ACOXL: variants seen among roughly 807,000 people sequenced by gnomAD.
ACOXL encodes acyl-coenzyme A oxidase-like protein.
In ACOXL, 70 loss-of-function variants were observed where a neutral mutation model predicts 71.9. The ratio of observed to expected loss-of-function variants is 0.97; its 90% CI spans 0.80 to 1.19. The LOEUF (loss-of-function observed/expected upper bound fraction) is 1.19, where lower values mean the gene tolerates loss of function less well. ACOXL is among the 50% of genes most tolerant of loss of function. ACOXL has a pLI of 0.00. For synonymous variants in ACOXL, 253 were observed against 281.6 expected (o/e 0.90, Z 1.02); for missense variants, 703 against 736.3 (o/e 0.95, Z 0.52).
At chr2:111,028,128 G>C (rs1475877781) in intron 14 of ACOXL, among the ~76,000 whole-genome samples, 2 of 152,002 alleles carry the variant, frequency 1.3e-5, no homozygotes, top group Non-Finnish European at 2.9e-5. Flanking sequence ...GGTCAAGGCT[G>C]CAGTGAGCCA....
In ACOXL at chr2:110,891,802, G is replaced by A. The variant is rs188629905; in HGVS notation, c.789-16987G>A. On this transcript the variant is annotated intron_variant, in intron 10 of 17. Transcript: ENST00000439055. ...TTGTTTTTGAGCAAAGTTCAGAAGT[G>A]AGCTGCTATGTCAGGTCCAGTCCAT... Among the ~76,000 whole-genome samples the A allele has an allele frequency of 1.2e-3, 190 of 152,122 alleles. 1 individual carries two copies. Among genetic ancestry groups the A allele is most frequent in the African/African-American group, 4.3e-3 (177 of 41,518 alleles).
chr2:110,866,036 T>C (rs1266542072), intron 10 of ACOXL, among the ~76,000 whole-genome samples: 2 of 152,224 alleles, frequency 1.3e-5, no homozygotes, highest in East Asian at 3.8e-4. Context: ...AAATACTATT[T>C]TAAGACAGAA....
At chr2:110,927,605 G>GC (rs1254391557) in intron 11 of ACOXL, among the ~76,000 whole-genome samples, 1 of 152,180 alleles carries the variant, frequency 6.6e-6, no homozygotes, top group South Asian at 2.1e-4. Flanking sequence ...GGAATAAGGA[G>GC]CCCCCATATA....
chr2:110,895,738 A>G (rs547065113), intron 10 of ACOXL, among the ~76,000 whole-genome samples: 30 of 152,260 alleles, frequency 2.0e-4, no homozygotes, highest in South Asian at 1.7e-3. Flanking sequence ...AGGCCAGAAA[A>G]AAAGTGGCAT....
intron 10 of ACOXL, among the ~76,000 whole-genome samples, chr2:110,872,882 C>A (rs1573931832): frequency 6.6e-6 from 1 of 151,984 alleles, no homozygotes; most frequent in South Asian, 2.1e-4. Context: ...TGGCTTGACT[C>A]CAGTGAAATG....
intron 13 of ACOXL, among the ~76,000 whole-genome samples, chr2:110,992,086 G>A (rs1019628728): frequency 7.9e-5 from 12 of 152,152 alleles, no homozygotes; most frequent in African/African-American, 2.9e-4. Flanking sequence ...AGCACGACAC[G>A]CTCTCACCCA....
intron 11 of ACOXL, among the ~76,000 whole-genome samples, chr2:110,924,765 G>A (rs1043654653): frequency 4.1e-5 from 5 of 120,962 alleles, no homozygotes; most frequent in African/African-American, 1.4e-4. Flanking sequence ...TGCTAATGTT[G>A]GTATTTTGAC....
intron 10 of ACOXL, among the ~76,000 whole-genome samples, chr2:110,876,245 C>A (rs898319504): frequency 7.2e-5 from 11 of 152,060 alleles, no homozygotes; most frequent in Admixed American, 7.2e-4. Context: ...CAGGTTTTTT[C>A]TTGAGGAGGG....
intron 11 of ACOXL, among the ~76,000 whole-genome samples, 190 bp downstream of exon 11, chr2:110,909,095 C>T (rs2059561224): frequency 6.6e-6 from 1 of 152,190 alleles, no homozygotes; most frequent in Non-Finnish European, 1.5e-5. Context: ...TTAACCTGGA[C>T]ATCTGATTTT....
chr2:111,107,734 C>T (rs1192813326), intron 17 of ACOXL, among the ~76,000 whole-genome samples: 1 of 152,210 alleles, frequency 6.6e-6, no homozygotes. Flanking sequence ...GTGATCTGCC[C>T]GCCTTGGCTT....
chr2:110,993,660 C>T (rs2063274192), intron 13 of ACOXL, among the ~76,000 whole-genome samples: 1 of 152,134 alleles, frequency 6.6e-6, no homozygotes, highest in South Asian at 2.1e-4. Flanking sequence ...AGTGAAACTG[C>T]TAGATCATAG....
chr2:111,029,943 G>A (rs1197587207), intron 14 of ACOXL, among the ~76,000 whole-genome samples: 1 of 151,970 alleles, frequency 6.6e-6, no homozygotes, highest in African/African-American at 2.4e-5. Context: ...CCCACCTGAA[G>A]TCCCTTCTTC....
At chr2:110,846,636 T>TACACACACAC (rs1452445738) in intron 10 of ACOXL, among the ~76,000 whole-genome samples, 5 of 44,834 alleles carry the variant, frequency 1.1e-4, no homozygotes, top group Admixed American at 7.3e-4. Context: ...CAAGTATGCA[T>TACACACACAC]ACACGCACAC....
intron 16 of ACOXL, among the ~76,000 whole-genome samples, chr2:111,075,896 T>C (rs769906578): frequency 2.6e-5 from 4 of 152,178 alleles, no homozygotes; most frequent in African/African-American, 7.2e-5. Context: ...CTTTATGTTA[T>C]TGATCTCAAA....
rs569785520 is a variant in ACOXL, at chr2:110,965,003, G to T, written c.1060-22105G>T. 1.8e-3 allele frequency among the ~76,000 whole-genome samples: 272 copies of T among 152,072 alleles called. 1 individual carries two copies. Among genetic ancestry groups the T allele is most frequent in the African/African-American group, 6.4e-3 (264 of 41,448 alleles). The stretch of plus-strand genomic sequence containing the variant: ...GCCCCCACACCTTTCCCAGCCTCTG[G>T]TATCTATCATTCTACGCTTTACTGC... On this transcript the variant is annotated intron_variant, in intron 12 of 17. Transcript: ENST00000439055.
intron 11 of ACOXL, among the ~76,000 whole-genome samples, chr2:110,916,867 G>A (rs932556841): frequency 2.0e-5 from 3 of 152,230 alleles, no homozygotes; most frequent in East Asian, 1.9e-4. Context: ...GGAAGAAGTC[G>A]AATCCCTGGA....
chr2:111,046,932 G>C (rs1385855039), intron 15 of ACOXL, among the ~76,000 whole-genome samples: 2 of 152,190 alleles, frequency 1.3e-5, no homozygotes, highest in Non-Finnish European at 2.9e-5. Context: ...CTCCAGCAGG[G>C]CCAGGCTCAG....
chr2:111,067,697 G>A (rs559441895), intron 16 of ACOXL, among the ~76,000 whole-genome samples: 58 of 152,318 alleles, frequency 3.8e-4, no homozygotes, highest in African/African-American at 1.2e-3. Flanking sequence ...GAAAATATAA[G>A]TTGCTGGAAA....
At chr2:111,088,453 GA>G (rs1338956523) in intron 16 of ACOXL, among the ~76,000 whole-genome samples, 2 of 151,892 alleles carry the variant, frequency 1.3e-5, no homozygotes, top group African/African-American at 4.8e-5. Flanking sequence ...ATGCAGCCAT[GA>G]AAAAAAATGA....
Sources: gnomAD v4.1 joint callset for allele counts (sites outside exome capture counted in the v4.1 genomes callset) on GRCh38, gnomAD v4.1.1 for gene constraint, MANE v1.5 for transcripts, NCBI Gene and HGNC (gene_info 2026-07-23, HGNC 2026-07-21) for gene names.